The following ZNF512 variants were observed in gnomAD, a reference collection of about 807,000 sequenced individuals.
The protein encoded by ZNF512 is zinc finger protein 512.
ZNF512 carries 25 observed loss-of-function variants against 77.5 expected under a neutral mutation model. The ratio of observed to expected loss-of-function variants is 0.32; its 90% CI spans 0.23 to 0.45. ZNF512 has a LOEUF of 0.45. Ranked by LOEUF, ZNF512 falls within the 20% of genes least tolerant of loss-of-function variation. The probability of loss-of-function intolerance (pLI) is 1.00; values close to 1 mark genes in which losing one functional copy is unlikely to be tolerated. For synonymous variants in ZNF512, 246 were observed against 239.9 expected (o/e 1.03, Z -0.24); for missense variants, 483 against 692.6 (o/e 0.70, Z 3.40).
At chr2:27,591,607 C>G (rs1400538624) in intron 2 of ZNF512, among the ~76,000 whole-genome samples, 1 of 152,210 alleles carries the variant, frequency 6.6e-6, no homozygotes, top group Non-Finnish European at 1.5e-5. Context: ...GATGGGGTTT[C>G]ACCATGTTGG....
Position 27,598,197 on chromosome 2 carries a change from T to C in ZNF512, c.220T>C (p.Ser74Pro). The C allele has an allele frequency of 6.2e-7, 1 of 1,614,134 alleles. No individual in the cohort carries two copies. The highest frequency in any genetic ancestry group is 8.5e-7 in the Non-Finnish European group (1 of 1,180,018). ...TGATTTTCCAGCATCTTTCCGAAAA[T>C]CTACCTACTGGATGAAGATGAGAAG... is the stretch of plus-strand genomic sequence containing the variant. ...VSDFPASFRK[S>P]TYWMKMRRIK... Residue 74 changes from serine to proline, a missense_variant, in exon 3 of 14, where the codon TCT becomes CCT. Physicochemically the swap from Ser to Pro is moderately conservative, Grantham distance 74. Transcript: ENST00000355467.
At chr2:27,610,540 G>GTGTGTGTGTA (rs1558474715) in intron 10 of ZNF512, among the ~76,000 whole-genome samples, 1 of 46,836 alleles carries the variant, frequency 2.1e-5, no homozygotes, top group Non-Finnish European at 3.3e-5. Flanking sequence ...ATATATATGT[G>GTGTGTGTGTA]TGTGTATATA....
chr2:27,586,214 T>TTG (rs1671317753), intron 2 of ZNF512, among the ~76,000 whole-genome samples: 4 of 149,444 alleles, frequency 2.7e-5, no homozygotes, highest in Admixed American at 1.3e-4. Flanking sequence ...CCATCAAGTC[T>TTG]TTGTTGTTGT....
intron 13 of ZNF512, among the ~76,000 whole-genome samples, chr2:27,619,880 A>T (rs1673045283): frequency 6.6e-6 from 1 of 152,214 alleles, no homozygotes; most frequent in African/African-American, 2.4e-5. Flanking sequence ...ATGACCACAA[A>T]CATCATTATA....
intron 2 of ZNF512, among the ~76,000 whole-genome samples, chr2:27,586,657 G>A (rs977664627): frequency 2.0e-5 from 3 of 152,142 alleles, no homozygotes; most frequent in Admixed American, 6.5e-5. Context: ...TATTTAAAGC[G>A]TACACTATGG....
intron 11 of ZNF512, among the ~76,000 whole-genome samples, chr2:27,615,682 G>A (rs1881395): frequency 0.27 from 41,189 of 152,030 alleles, 6,357 homozygotes; most frequent in African/African-American, 0.42. Flanking sequence ...TCTAGCTTCA[G>A]AATTTGCACA....
At chr2:27,595,836 G>T (rs1671844005) in intron 2 of ZNF512, among the ~76,000 whole-genome samples, 1 of 152,110 alleles carries the variant, frequency 6.6e-6, no homozygotes. Flanking sequence ...TTATAAGAAA[G>T]TATTTCTTTT....
intron 13 of ZNF512, among the ~76,000 whole-genome samples, chr2:27,618,122 G>A (rs1186120644): frequency 1.3e-5 from 2 of 151,952 alleles, no homozygotes; most frequent in Admixed American, 1.3e-4. Flanking sequence ...GTTTTGCCAC[G>A]TTGGCCAGGC....
intron 9 of ZNF512, among the ~76,000 whole-genome samples, chr2:27,604,962 C>T (rs904357075): frequency 7.2e-5 from 11 of 152,134 alleles, no homozygotes; most frequent in African/African-American, 2.7e-4. Context: ...GCCTTTCAGT[C>T]TGACTTCTTT....
At position 27,617,485 on chromosome 2, in the gene ZNF512, G is replaced by A; in HGVS notation, c.1309G>A (p.Ala437Thr). The change falls in exon 13 of 14, where the codon GCT becomes ACT. Residue 437 changes from alanine (A) to threonine (T), a missense_variant. This residue lies in a region of ZNF512 where 324 missense variants were observed against 525.0 expected (regional missense o/e 0.62). Coordinates refer to ENST00000355467, the MANE Select transcript of ZNF512 (RefSeq NM_032434.4). ...CTCTTGGAAATAGGGAAACTTTGTG[G>A]CTGGAAAATACAAATGTCTTCTATG... ...LGSCTLGNFV[A>T]GKYKCLLCQK... The A allele has an allele frequency of 6.9e-7, 1 of 1,442,434 alleles. No individual in the cohort carries two copies. The highest frequency in any genetic ancestry group is 9.8e-7 in the Non-Finnish European group (1 of 1,023,010). The allele number at this position is 1,442,434 out of a possible 1,614,324, so 89.4% of individuals were successfully genotyped here.
rs1036235676 is a variant in ZNF512 at position 27,603,148 on chromosome 2, C to T, written c.777C>T (p.Ser259=). ...TTCTCTCCTCTGTTCAGAGTTGCTC[C>T]AGTAGCTTCACCAGCATCATGGGAT... ...GKLRCMRESC[S]SSFTSIMGYL... The change falls in exon 9 of 14, where the codon TCC becomes TCT. Residue 259 remains serine (S), a synonymous_variant. Transcript: ENST00000355467. 1.9e-6 allele frequency: 3 copies of T among 1,613,948 alleles called. No individual in the cohort carries two copies. Among genetic ancestry groups the T allele is most frequent in the South Asian group, 1.1e-5 (1 of 91,084 alleles).
In ZNF512 at chr2:27,602,573, A is replaced by G; in HGVS notation, c.768+12A>G. 6.2e-7 allele frequency: 1 copy of G among 1,600,428 alleles called. No individual in the cohort carries two copies. The highest frequency in any genetic ancestry group is 8.5e-7 in the Non-Finnish European group (1 of 1,175,750). ...GGTGCATGCGTGAGGTAAGGGCCCA[A>G]GGACAGCAATTCCTTCTGCCTGAAT... On this transcript the variant is annotated intron_variant, in intron 8 of 13. Transcript: ENST00000355467.
intron 5 of ZNF512, 88 bp from the exon 6 acceptor site, chr2:27,600,603 T>C (rs1672076138): frequency 1.3e-6 from 2 of 1,500,678 alleles, no homozygotes; most frequent in Admixed American, 4.3e-5. Context: ...AAAACCATTT[T>C]ATGATACTTT....
At chr2:27,600,846 C>G (rs372101733) in intron 6 of ZNF512, 31 bp downstream of exon 6, 81 of 1,597,268 alleles carry the variant, frequency 5.1e-5, no homozygotes, top group Non-Finnish European at 6.7e-5. Context: ...ATAACTGTTA[C>G]GATATTTTTA....
intron 10 of ZNF512, among the ~76,000 whole-genome samples, chr2:27,613,854 TTATTAC>T (rs1389773729): frequency 1.3e-5 from 2 of 152,114 alleles, no homozygotes; most frequent in Non-Finnish European, 2.9e-5. Context: ...ATGTGATAGT[TTATTAC>T]TATTACTAAT....
chr2:27,593,985 C>G (rs1423662126), intron 2 of ZNF512, among the ~76,000 whole-genome samples: 1 of 152,216 alleles, frequency 6.6e-6, no homozygotes, highest in Non-Finnish European at 1.5e-5. Context: ...CCACATTTCC[C>G]CCTTTTCTTT....
At chr2:27,612,875 T>C (rs905879706) in intron 10 of ZNF512, among the ~76,000 whole-genome samples, 1 of 152,220 alleles carries the variant, frequency 6.6e-6, no homozygotes, top group African/African-American at 2.4e-5. Context: ...ATGTGTTATT[T>C]TTATTAAGTT....
chr2:27,608,155 A>G (rs1672450932), intron 10 of ZNF512, 116 bp downstream of exon 10: 3 of 965,370 alleles, frequency 3.1e-6, no homozygotes, highest in Non-Finnish European at 4.4e-6. Context: ...TTGTTTGTTT[A>G]TCTTTGGAGA....
intron 2 of ZNF512, among the ~76,000 whole-genome samples, chr2:27,588,941 G>A (rs1671454315): frequency 6.6e-6 from 1 of 152,092 alleles, no homozygotes; most frequent in South Asian, 2.1e-4. Context: ...TCTTTTGTTA[G>A]GTTTGTTCCC....
Sources: allele counts gnomAD v4.1 joint callset (sites outside exome capture counted in the v4.1 genomes callset), GRCh38; gene constraint gnomAD v4.1.1; regional missense constraint gnomAD v4.1.1; transcripts MANE v1.5; gene names NCBI Gene and HGNC (gene_info 2026-07-23, HGNC 2026-07-21).